RPH3A: variants seen among roughly 807,000 people sequenced by gnomAD.
RPH3A encodes rabphilin 3A.
Under a neutral mutation model 102.2 loss-of-function variants are expected in RPH3A, and 48 were observed. The ratio of observed to expected loss-of-function variants is 0.47; its 90% CI spans 0.37 to 0.60. The LOEUF is 0.60. Among genes scored for constraint, RPH3A ranks in the 20% least tolerant of loss-of-function variants. The probability of loss-of-function intolerance (pLI) is 0.00; values close to 1 mark genes in which losing one functional copy is unlikely to be tolerated. For missense variants in RPH3A, 781 were observed against 910.1 expected (o/e 0.86, Z 1.83); for synonymous variants, 310 against 324.3 (o/e 0.96, Z 0.47).
At chr12:112,743,929 C>T (rs2136056210) in intron 1 of RPH3A, among the ~76,000 whole-genome samples, 1 of 152,302 alleles carries the variant, frequency 6.6e-6, no homozygotes, top group East Asian at 1.9e-4. Context: ...CACGCTTTCA[C>T]CCTCAGGCTC....
At chr12:112,790,402 G>A (rs1159925871), upstream of RPH3A, among the ~76,000 whole-genome samples, 1 of 152,180 alleles carries the variant, frequency 6.6e-6, no homozygotes, top group Non-Finnish European at 1.5e-5. Flanking sequence ...AGCTCTAAAT[G>A]TTCTCATTTT....
chr12:112,710,564 C>G (rs1006480347), intron 1 of RPH3A, among the ~76,000 whole-genome samples: 4 of 152,154 alleles, frequency 2.6e-5, no homozygotes, highest in Admixed American at 1.3e-4. Flanking sequence ...TGTTGTGACA[C>G]GTCCTTAAGG....
At chr12:112,838,295 A>G (rs2042087758) in intron 4 of RPH3A, among the ~76,000 whole-genome samples, 1 of 152,270 alleles carries the variant, frequency 6.6e-6, no homozygotes, top group African/African-American at 2.4e-5. Context: ...TTATAAGAAC[A>G]GAATGGAATT....
At chr12:112,585,225 A>G (rs1187164264) in intron 1 of RPH3A, among the ~76,000 whole-genome samples, 1 of 152,176 alleles carries the variant, frequency 6.6e-6, no homozygotes, top group East Asian at 1.9e-4. Context: ...ACCCAGACTG[A>G]GGGTGGGTAG....
At chr12:112,712,405 T>C (rs899317801) in intron 1 of RPH3A, among the ~76,000 whole-genome samples, 1 of 152,246 alleles carries the variant, frequency 6.6e-6, no homozygotes, top group South Asian at 2.1e-4. Flanking sequence ...CAATTTCTTA[T>C]GTTTCAATCT....
intron 1 of RPH3A, among the ~76,000 whole-genome samples, chr12:112,775,693 A>G (rs929834543): frequency 2.6e-4 from 39 of 152,236 alleles, no homozygotes; most frequent in African/African-American, 8.9e-4. Context: ...ATACAAAATC[A>G]GATGACAGAA....
intron 2 of RPH3A, among the ~76,000 whole-genome samples, chr12:112,795,250 A>G (rs2041207379): frequency 6.6e-6 from 1 of 152,186 alleles, no homozygotes; most frequent in Admixed American, 6.5e-5. Flanking sequence ...CTTCACCCTC[A>G]TTCAGTGGGG....
Position 112,580,564 on chromosome 12 carries a change from C to T in RPH3A, c.-140+5245C>T, listed in dbSNP as rs943154328. Among the ~76,000 whole-genome samples, 8 of 151,932 alleles carry T rather than the reference C, an allele frequency of 5.3e-5. 1 individual carries two copies. The South Asian group carries it at 1.5e-3, about 28-fold the overall frequency. ...GACCACCGGCGCCCGCCACCACGCC[C>T]GGCTAATTTTTTTTTGTATTTTTAG... On this transcript the variant is annotated intron_variant, in intron 1 of 21. Transcript: ENST00000543106.
At chr12:112,858,588 T>C (rs890563304) in intron 5 of RPH3A, among the ~76,000 whole-genome samples, 1 of 152,244 alleles carries the variant, frequency 6.6e-6, no homozygotes, top group Admixed American at 6.5e-5. Flanking sequence ...GGACTTATGA[T>C]GATTATGGCA....
chr12:112,739,603 G>A (rs2040694103), intron 1 of RPH3A, among the ~76,000 whole-genome samples: 1 of 152,168 alleles, frequency 6.6e-6, no homozygotes, highest in Admixed American at 6.5e-5. Flanking sequence ...AGGAGCTGTG[G>A]TTTATTTGCT....
chr12:112,611,299 T>C (rs2039637464), intron 1 of RPH3A, among the ~76,000 whole-genome samples: 1 of 152,206 alleles, frequency 6.6e-6, no homozygotes, highest in Non-Finnish European at 1.5e-5. Context: ...TTTAGACAAA[T>C]GAATGCAGTC....
intron 1 of RPH3A, among the ~76,000 whole-genome samples, chr12:112,776,241 C>CT (rs2040964411): frequency 6.6e-6 from 1 of 152,288 alleles, no homozygotes; most frequent in African/African-American, 2.4e-5. Context: ...TTCTCTATGA[C>CT]TTAGTTTCCT....
intron 4 of RPH3A, among the ~76,000 whole-genome samples, chr12:112,839,175 T>A (rs542590277): frequency 2.2e-4 from 34 of 152,330 alleles, no homozygotes; most frequent in African/African-American, 7.7e-4. Flanking sequence ...TTGAGGCAGA[T>A]AAGAGTGGAG....
chr12:112,876,876 G>A lies in RPH3A; in HGVS notation c.1171+10G>A, dbSNP rs969857906. 6.4e-7 allele frequency: 1 copy of A among 1,567,572 alleles called. No individual in the cohort carries two copies. Among genetic ancestry groups the A allele is most frequent in the Non-Finnish European group, 8.7e-7 (1 of 1,154,338 alleles). On this transcript the variant is annotated intron_variant, in intron 13 of 21. Coordinates refer to ENST00000389385, the MANE Select transcript of RPH3A (RefSeq NM_001143854.2). ...GATTCGGATGAAGCAAGTAGGTGGT[G>A]CCTAAGGGAGAGGTATCTTGGAAAA...
At chr12:112,688,944 G>A (rs959574629) in intron 1 of RPH3A, among the ~76,000 whole-genome samples, 27 of 152,192 alleles carry the variant, frequency 1.8e-4, no homozygotes, top group African/African-American at 5.5e-4. Flanking sequence ...CTCCCTGCTA[G>A]TAAGTGGTTG....
At chr12:112,711,324 G>T (rs1034165979) in intron 1 of RPH3A, among the ~76,000 whole-genome samples, 3 of 151,910 alleles carry the variant, frequency 2.0e-5, no homozygotes, top group Non-Finnish European at 4.4e-5. Context: ...TTGATCATTT[G>T]TGCTGCAATC....
At chr12:112,610,225 C>T (rs995224122) in intron 1 of RPH3A, among the ~76,000 whole-genome samples, 30 of 152,020 alleles carry the variant, frequency 2.0e-4, no homozygotes, top group Admixed American at 1.2e-3. Flanking sequence ...TTCCTTGGGT[C>T]GGTGAGGTGG....
intron 1 of RPH3A, among the ~76,000 whole-genome samples, chr12:112,581,931 G>A (rs938099086): frequency 6.8e-6 from 1 of 147,418 alleles, no homozygotes; most frequent in Non-Finnish European, 1.5e-5. Flanking sequence ...GACCTCTAAT[G>A]TTTTTCCCAG....
chr12:112,856,998 C>T (rs943581252), intron 5 of RPH3A, among the ~76,000 whole-genome samples: 1 of 151,978 alleles, frequency 6.6e-6, no homozygotes, highest in Non-Finnish European at 1.5e-5. Context: ...CCAACCCCTG[C>T]GTCATAACTG....
Sources: gnomAD v4.1 joint callset for allele counts (sites outside exome capture counted in the v4.1 genomes callset) on GRCh38, gnomAD v4.1.1 for gene constraint, MANE v1.5 for transcripts, NCBI Gene and HGNC (gene_info 2026-07-23, HGNC 2026-07-21) for gene names.